The following CLNS1A variants were observed in gnomAD, a reference collection of about 807,000 sequenced individuals.
CLNS1A encodes the protein methylosome subunit pICln.
CLNS1A carries 16 observed loss-of-function variants against 29.4 expected under a neutral mutation model. That is an observed-to-expected ratio of 0.54 (90% CI 0.37 to 0.83). CLNS1A has a LOEUF of 0.83. Ranked by LOEUF, CLNS1A falls within the 40% of genes least tolerant of loss-of-function variation. The pLI is 0.00. For missense variants in CLNS1A, 235 were observed against 287.4 expected, an observed-to-expected ratio of 0.82 and a Z score of 1.32; for synonymous variants, 96 against 104.8, an observed-to-expected ratio of 0.92 and a Z score of 0.51.
chr11:77,618,876 G>A (rs894571795), intron 6 of CLNS1A, among the ~76,000 whole-genome samples: 7 of 152,206 alleles, frequency 4.6e-5, no homozygotes, highest in African/African-American at 1.7e-4. Flanking sequence ...TGGTAGCAGA[G>A]TCAAGTCAAA....
chr11:77,637,498 G>A, intron 1 of CLNS1A, 92 bp downstream of exon 1: 1 of 1,460,202 alleles, frequency 6.8e-7, no homozygotes, highest in Non-Finnish European at 9.1e-7. Flanking sequence ...CAGGCCTCCA[G>A]GCCGCCCCTT....
intron 1 of CLNS1A, among the ~76,000 whole-genome samples, chr11:77,631,803 T>C (rs944334256): frequency 6.6e-6 from 1 of 152,088 alleles, no homozygotes; most frequent in Non-Finnish European, 1.5e-5. Flanking sequence ...AGTAGCATGA[T>C]CTTGGCTCAC....
At chr11:77,637,263 AAT>A (rs1169395909) in intron 1 of CLNS1A, among the ~76,000 whole-genome samples, 8 of 147,360 alleles carry the variant, frequency 5.4e-5, no homozygotes, top group East Asian at 2.0e-4. Context: ...AAAAAAAGAA[AAT>A]AAAAGAAAGA....
chr11:77,633,810 C>G (rs577780313), intron 1 of CLNS1A, among the ~76,000 whole-genome samples: 1 of 152,040 alleles, frequency 6.6e-6, no homozygotes, highest in East Asian at 1.9e-4. Flanking sequence ...GATAAAAATT[C>G]AACTTCCTGG....
intron 4 of CLNS1A, among the ~76,000 whole-genome samples, chr11:77,624,209 G>C (rs1464661888): frequency 3.3e-5 from 5 of 152,200 alleles, no homozygotes. Flanking sequence ...AGGTTGCAGT[G>C]AGCAGAAATC....
intron 6 of CLNS1A, among the ~76,000 whole-genome samples, chr11:77,617,941 G>GA (rs1175156592): frequency 6.7e-6 from 1 of 149,912 alleles, no homozygotes; most frequent in Non-Finnish European, 1.5e-5. Flanking sequence ...AAAAAGAAAA[G>GA]AAAAAAAACC....
intron 2 of CLNS1A, among the ~76,000 whole-genome samples, chr11:77,628,096 T>A (rs1049616369): frequency 6.6e-6 from 1 of 152,232 alleles, no homozygotes; most frequent in Non-Finnish European, 1.5e-5. Context: ...AGTGTTGGGA[T>A]TACAGGTTTG....
intron 6 of CLNS1A, 102 bp from the exon 7 acceptor site, chr11:77,616,797 T>C (rs1351125204): frequency 6.6e-6 from 1 of 152,230 alleles, no homozygotes; most frequent in Non-Finnish European, 1.5e-5. Context: ...AGGTACATTT[T>C]ATCTTAGCCT....
At chr11:77,617,475 G>C (rs12289449) in intron 6 of CLNS1A, among the ~76,000 whole-genome samples, 4 of 151,192 alleles carry the variant, frequency 2.6e-5, no homozygotes, top group Admixed American at 2.6e-4. Flanking sequence ...CCGGGAGGCA[G>C]AGGTTGCAAT....
chr11:77,629,550 C>T (rs532282374), intron 2 of CLNS1A, among the ~76,000 whole-genome samples: 2 of 152,114 alleles, frequency 1.3e-5, no homozygotes, highest in South Asian at 2.1e-4. Flanking sequence ...CCCACCACCA[C>T]GCCTGGCTAA....
At chr11:77,617,786 C>T (rs138601187) in intron 6 of CLNS1A, among the ~76,000 whole-genome samples, 2,085 of 151,512 alleles carry the variant, frequency 0.014, 48 homozygotes, top group African/African-American at 0.049. Context: ...GGCGTGGTGG[C>T]GCGCGTCTGT....
chr11:77,630,245 C>T (rs1164353510), intron 1 of CLNS1A, among the ~76,000 whole-genome samples: 5 of 152,182 alleles, frequency 3.3e-5, no homozygotes, highest in African/African-American at 1.2e-4. Context: ...CATGAGGCCT[C>T]CCTTCAACTA....
At chr11:77,622,756 T>A in intron 4 of CLNS1A, 83 bp from the exon 5 acceptor site, 1 of 1,075,930 alleles carries the variant, frequency 9.3e-7, no homozygotes. Flanking sequence ...GCCGCCAGCC[T>A]GGCCAACATG....
At position 77,614,686 on chromosome 11, in the gene CLNS1A, C is replaced by T. The variant is rs1958893930; in HGVS notation, c.*2032G>A. On this transcript the variant is annotated 3_prime_UTR_variant, in exon 7 of 7. Coordinates refer to ENST00000525428, the MANE Select transcript of CLNS1A (RefSeq NM_001293.3). ...ATGAATACATTTTTTAAATGAAGAA[C>T]CTAGAACAGAGAACCATTAACCCTA... 1 of 152,120 alleles carries T rather than the reference C, an allele frequency of 6.6e-6. No homozygotes were observed. Among genetic ancestry groups the T allele is most frequent in the Non-Finnish European group, 1.5e-5 (1 of 68,022 alleles). 9.4% of individuals were successfully genotyped at this position (152,120 alleles called of 1,614,324 possible).
intron 2 of CLNS1A, among the ~76,000 whole-genome samples, chr11:77,629,241 G>A (rs913336196): frequency 6.6e-6 from 1 of 152,174 alleles, no homozygotes; most frequent in South Asian, 2.1e-4. Context: ...AATTCTAAGT[G>A]TAAATATAGA....
intron 2 of CLNS1A, among the ~76,000 whole-genome samples, chr11:77,627,887 G>A (rs573400447): frequency 3.1e-4 from 47 of 152,026 alleles, no homozygotes; most frequent in African/African-American, 8.2e-4. Flanking sequence ...GTGCAGTGGC[G>A]CGATCTCAGC....
chr11:77,623,341 G>A (rs1958982303), intron 4 of CLNS1A, among the ~76,000 whole-genome samples: 1 of 152,110 alleles, frequency 6.6e-6, no homozygotes, highest in South Asian at 2.1e-4. Flanking sequence ...TGTAATCCCA[G>A]CACTTTGAGA....
intron 6 of CLNS1A, among the ~76,000 whole-genome samples, chr11:77,618,923 A>G (rs999479743): frequency 2.0e-5 from 3 of 152,260 alleles, no homozygotes; most frequent in African/African-American, 7.2e-5. Flanking sequence ...TATATGCTTT[A>G]GTAAAATAAA....
At chr11:77,624,137 A>G (rs929071630) in intron 4 of CLNS1A, among the ~76,000 whole-genome samples, 5 of 152,116 alleles carry the variant, frequency 3.3e-5, no homozygotes, top group African/African-American at 1.2e-4. Context: ...TGGTGGCGCA[A>G]GCCTGTAGTC....
Sources: gnomAD v4.1 joint callset for allele counts (sites outside exome capture counted in the v4.1 genomes callset) on GRCh38, gnomAD v4.1.1 for gene constraint, MANE v1.5 for transcripts, NCBI Gene and HGNC (gene_info 2026-07-23, HGNC 2026-07-21) for gene names.